The following PRKG1 variants were observed in gnomAD, a reference collection of about 807,000 sequenced individuals.
PRKG1 encodes cGMP-dependent protein kinase 1.
A neutral mutation model predicts 88.1 loss-of-function variants in PRKG1; 35 were observed. That is an observed-to-expected ratio of 0.40 (90% CI 0.30 to 0.53). The LOEUF is 0.53. Among genes scored for constraint, PRKG1 ranks in the 20% least tolerant of loss-of-function variants. The pLI, the probability that PRKG1 is intolerant of heterozygous loss-of-function variation, is 0.59. For synonymous variants in PRKG1, 303 were observed against 292.5 expected, an observed-to-expected ratio of 1.04 and a Z score of -0.37; for missense variants, 540 against 839.8, an observed-to-expected ratio of 0.64 and a Z score of 4.41.
intron 5 of PRKG1, among the ~76,000 whole-genome samples, chr10:51,932,819 AT>A (rs1187424553): frequency 6.6e-6 from 1 of 152,152 alleles, no homozygotes; most frequent in Non-Finnish European, 1.5e-5. Flanking sequence ...TGAACTGACA[AT>A]AAAATCAACA....
At chr10:51,416,463 T>C (rs572917325) in intron 2 of PRKG1, among the ~76,000 whole-genome samples, 1 of 152,184 alleles carries the variant, frequency 6.6e-6, no homozygotes, top group Non-Finnish European at 1.5e-5. Flanking sequence ...TTATTAAAGA[T>C]CCGAAATAGT....
chr10:52,054,598 G>A (rs1846066160), intron 6 of PRKG1, 37 bp downstream of exon 6: 1 of 1,581,894 alleles, frequency 6.3e-7, no homozygotes, highest in Admixed American at 1.7e-5. Context: ...ATGCACTAGG[G>A]GAGCCTGGGG....
intron 3 of PRKG1, among the ~76,000 whole-genome samples, chr10:51,469,022 A>G (rs926805222): frequency 3.3e-5 from 5 of 151,818 alleles, no homozygotes; most frequent in African/African-American, 9.7e-5. Context: ...CTCTGAAAGC[A>G]TAGGACTCTT....
intron 9 of PRKG1, among the ~76,000 whole-genome samples, chr10:52,228,641 G>A (rs959268702): frequency 4.6e-5 from 7 of 152,184 alleles, no homozygotes; most frequent in East Asian, 3.9e-4. Context: ...TGCCAGGCAC[G>A]TAAGTAGCTG....
intron 5 of PRKG1, among the ~76,000 whole-genome samples, chr10:52,050,160 T>C (rs754064180): frequency 7.2e-5 from 11 of 151,970 alleles, no homozygotes; most frequent in Non-Finnish European, 1.2e-4. Flanking sequence ...CAGTGAAGTA[T>C]GGCAGTAGGA....
intron 9 of PRKG1, among the ~76,000 whole-genome samples, chr10:52,218,748 C>T (rs1379163978): frequency 6.6e-6 from 1 of 152,078 alleles, no homozygotes; most frequent in African/African-American, 2.4e-5. Flanking sequence ...AGGTAAATTT[C>T]CCTTTTGATA....
intron 2 of PRKG1, among the ~76,000 whole-genome samples, chr10:51,443,275 T>C (rs1321925102): frequency 6.6e-6 from 1 of 152,060 alleles, no homozygotes; most frequent in Non-Finnish European, 1.5e-5. Context: ...ATTTATATGT[T>C]GTCTATTGCT....
intron 2 of PRKG1, among the ~76,000 whole-genome samples, chr10:51,161,948 C>T (rs972861785): frequency 2.0e-5 from 3 of 152,172 alleles, no homozygotes; most frequent in African/African-American, 7.2e-5. Context: ...CTTCAACCAT[C>T]ATTACATAAC....
At chr10:51,539,764 T>A (rs1255550455) in intron 3 of PRKG1, among the ~76,000 whole-genome samples, 5 of 152,136 alleles carry the variant, frequency 3.3e-5, no homozygotes. Flanking sequence ...ATGAAATGAA[T>A]TTTTTGTCCT....
intron 2 of PRKG1, among the ~76,000 whole-genome samples, chr10:51,373,472 G>A (rs753939796): frequency 6.6e-6 from 1 of 152,098 alleles, no homozygotes; most frequent in Non-Finnish European, 1.5e-5. Flanking sequence ...TACATGTGCG[G>A]GATGTGCAGG....
intron 2 of PRKG1, among the ~76,000 whole-genome samples, chr10:51,376,758 T>A (rs1328513105): frequency 2.0e-5 from 3 of 152,078 alleles, no homozygotes; most frequent in Non-Finnish European, 4.4e-5. Context: ...CACTGCAACC[T>A]CCACCTCCTG....
At chr10:51,808,303 C>G (rs1014448722) in intron 4 of PRKG1, among the ~76,000 whole-genome samples, 2 of 151,798 alleles carry the variant, frequency 1.3e-5, no homozygotes, top group African/African-American at 4.8e-5. Flanking sequence ...TCACTTTTTT[C>G]TTTATGACTT....
intron 2 of PRKG1, among the ~76,000 whole-genome samples, chr10:51,154,193 T>G (rs1846147369): frequency 6.6e-6 from 1 of 152,024 alleles, no homozygotes; most frequent in Non-Finnish European, 1.5e-5. Flanking sequence ...GCAAGTCACT[T>G]AATTTCTCTG....
At chr10:51,622,579 G>A (rs146821681) in intron 3 of PRKG1, among the ~76,000 whole-genome samples, 2 of 152,248 alleles carry the variant, frequency 1.3e-5, no homozygotes, top group African/African-American at 4.8e-5. Context: ...ATTGAAAACG[G>A]TCATGGGAAT....
intron 9 of PRKG1, among the ~76,000 whole-genome samples, chr10:52,235,511 C>T (rs1461234303): frequency 2.0e-5 from 3 of 150,284 alleles, no homozygotes; most frequent in Non-Finnish European, 3.0e-5. Context: ...GCAGGGGTTG[C>T]AATCCTAGTT....
At chr10:51,004,612 T>C (rs1337086783) in intron 1 of PRKG1, among the ~76,000 whole-genome samples, 2 of 152,202 alleles carry the variant, frequency 1.3e-5, no homozygotes, top group African/African-American at 4.8e-5. Flanking sequence ...TTCTTTTTTT[T>C]ATACTTGAGT....
chr10:52,172,781 T>A (rs1404894196), intron 9 of PRKG1, among the ~76,000 whole-genome samples: 1 of 152,134 alleles, frequency 6.6e-6, no homozygotes, highest in Non-Finnish European at 1.5e-5. Flanking sequence ...CTAGAAGTGC[T>A]GAAGGGCTCC....
chr10:51,447,513 G>C (rs1291218572), intron 2 of PRKG1, among the ~76,000 whole-genome samples: 27 of 152,008 alleles, frequency 1.8e-4, no homozygotes, highest in Non-Finnish European at 3.2e-4. Flanking sequence ...ACACTAAACT[G>C]CTATTTTTGA....
chr10:51,979,432 T>TTTA (rs1051783986), intron 5 of PRKG1, among the ~76,000 whole-genome samples: 3 of 143,796 alleles, frequency 2.1e-5, no homozygotes, highest in African/African-American at 7.7e-5. Context: ...TTTTTTTTTT[T>TTTA]TTCTGTTTTG....
Sources: allele counts gnomAD v4.1 joint callset (sites outside exome capture counted in the v4.1 genomes callset), GRCh38; gene constraint gnomAD v4.1.1; transcripts MANE v1.5; gene names NCBI Gene and HGNC (gene_info 2026-07-23, HGNC 2026-07-21).